UTP20: variants seen among roughly 807,000 people sequenced by gnomAD.
The protein encoded by UTP20 is UTP20 small subunit processome component.
In UTP20, 164 loss-of-function variants were observed where a neutral mutation model predicts 329.5. The ratio of observed to expected loss-of-function variants is 0.50; its 90% CI spans 0.44 to 0.57. The LOEUF (loss-of-function observed/expected upper bound fraction) is 0.57, where lower values mean the gene tolerates loss of function less well. Ranked by LOEUF, UTP20 falls within the 20% of genes least tolerant of loss-of-function variation. The pLI is 0.00. For synonymous variants in UTP20, 1,151 were observed against 1,159.3 expected, an observed-to-expected ratio of 0.99 and a Z score of 0.14; for missense variants, 3,055 against 3,284.2, an observed-to-expected ratio of 0.93 and a Z score of 1.71.
chr12:101,361,915 G>A (rs1463274655), intron 43 of UTP20, 47 bp from the exon 44 acceptor site: 1 of 1,428,100 alleles, frequency 7.0e-7, no homozygotes, highest in Non-Finnish European at 9.9e-7. Context: ...TGTTTTCCTA[G>A]TGTGACATTG....
intron 36 of UTP20, among the ~76,000 whole-genome samples, 184 bp downstream of exon 36, chr12:101,344,934 C>CT (rs11417670): frequency 0.076 from 4,692 of 61,568 alleles, 1,116 homozygotes; most frequent in Non-Finnish European, 0.11. Context: ...CTTTTTTTTG[C>CT]TTTTTTTTTT....
intron 46 of UTP20, 65 bp downstream of exon 46, chr12:101,365,690 G>A (rs1289615694): frequency 5.9e-6 from 8 of 1,353,178 alleles, no homozygotes; most frequent in Non-Finnish European, 6.8e-6. Flanking sequence ...TCTGTGGGTT[G>A]TTTTAATAAT....
rs1869175588 is a variant in UTP20 at position 101,342,572 on chromosome 12, C to T, written c.4228C>T (p.Leu1410Phe). The change falls in exon 33 of 62, where the codon CTT (leucine) becomes TTT (phenylalanine). Residue 1410 changes from leucine (L) to phenylalanine (F), a missense_variant. Leu to Phe is a conservative substitution (Grantham distance 22). This residue lies in a region of UTP20 where 2,445 missense variants were observed against 2,575.5 expected (regional missense o/e 0.95). Coordinates refer to ENST00000261637, the MANE Select transcript of UTP20 (RefSeq NM_014503.3). ...TAAGAACAAATTGTCAAGAAAATTG[C>T]TTTGTACGGTTTTTGAGGTCTGTAC... ...VIKNKLSRKL[L>F]CTVFETLSDF... 1 of 1,611,702 alleles carries T rather than the reference C, an allele frequency of 6.2e-7. No individual in the cohort carries two copies. The highest frequency in any genetic ancestry group is 1.7e-5 in the Admixed American group (1 of 59,482).
At chr12:101,297,722 T>C (rs1201820774) in intron 12 of UTP20, among the ~76,000 whole-genome samples, 1 of 152,196 alleles carries the variant, frequency 6.6e-6, no homozygotes, top group Non-Finnish European at 1.5e-5. Flanking sequence ...GCAGATTCCT[T>C]GCACATGCCA....
chr12:101,319,685 A>C (rs770810309), intron 23 of UTP20, 50 bp downstream of exon 23: 1 of 1,469,648 alleles, frequency 6.8e-7, no homozygotes, highest in East Asian at 2.3e-5. Flanking sequence ...ACTTTTCTCT[A>C]TCATTTTCTT....
intron 49 of UTP20, 40 bp downstream of exon 49, chr12:101,369,931 G>A (rs1231237127): frequency 6.3e-7 from 1 of 1,598,064 alleles, no homozygotes; most frequent in Non-Finnish European, 8.5e-7. Flanking sequence ...AGCCAGGATG[G>A]AGCTGGATGC....
intron 22 of UTP20, among the ~76,000 whole-genome samples, 192 bp from the exon 23 acceptor site, chr12:101,319,353 C>T (rs1028485509): frequency 2.0e-5 from 3 of 152,156 alleles, no homozygotes; most frequent in African/African-American, 7.2e-5. Context: ...ATTTTAGGGA[C>T]AGGCCTGCCC....
rs573711934 is a variant in UTP20 at position 101,332,048 on chromosome 12, T to C, written c.3418-1253T>C. ...TTTGTAGTAATTCCTCCTACTGAAA[T>C]ATCTTTGGGCTGGGTGTGGTGGCTC... On this transcript the variant is annotated intron_variant, in intron 27 of 61. Coordinates refer to ENST00000261637, the MANE Select transcript of UTP20 (RefSeq NM_014503.3). Among the ~76,000 whole-genome samples, 12 of 152,162 alleles carry C rather than the reference T, an allele frequency of 7.9e-5. No homozygotes were observed. In the South Asian group the frequency reaches 2.5e-3, roughly 32 times the overall value.
intron 32 of UTP20, among the ~76,000 whole-genome samples, chr12:101,340,970 T>TTTTTTTTTTA (rs1869109137): frequency 3.3e-5 from 1 of 30,554 alleles, no homozygotes; most frequent in Non-Finnish European, 5.2e-5. Flanking sequence ...TTTTTTTTTT[T>TTTTTTTTTTA]TTTTTTTTTT....
At position 101,309,847 on chromosome 12, in the gene UTP20, TG is replaced by T. The variant is rs765359742; in HGVS notation, c.2231+11del. 7 of 1,609,944 alleles carry T rather than the reference TG, an allele frequency of 4.3e-6. No homozygotes were observed. The highest frequency in any genetic ancestry group is 5.1e-6 in the Non-Finnish European group (6 of 1,176,904). On this transcript the variant is annotated intron_variant, in intron 19 of 61. Coordinates refer to ENST00000261637, the MANE Select transcript of UTP20 (RefSeq NM_014503.3). ...TGTTATTGAACTCATAAGGTAAACATGGGTTAAATGGGATGAAACTATTATA... is the reference window on the plus strand; with the variant it reads ...TGTTATTGAACTCATAAGGTAAACATGGTTAAATGGGATGAAACTATTATA...
chr12:101,361,613 C>G (rs1002068630), intron 43 of UTP20, among the ~76,000 whole-genome samples: 1 of 150,474 alleles, frequency 6.6e-6, no homozygotes, highest in African/African-American at 2.4e-5. Context: ...GCTACAAGAG[C>G]AACACTCTGT....
intron 38 of UTP20, among the ~76,000 whole-genome samples, 188 bp downstream of exon 38, chr12:101,346,776 G>A (rs530767219): frequency 1.3e-5 from 2 of 152,238 alleles, no homozygotes; most frequent in Admixed American, 1.3e-4. Flanking sequence ...GCTATTATTT[G>A]TGTTTTTGCT....
In UTP20 at chr12:101,379,396, T is replaced by C; in HGVS notation, c.7422T>C (p.His2474=). ...IWSHVHSHLR[H]PHNWVWLTAA... ...GTCATGTGCATTCTCACCTGAGACA[T>C]CCACACAACTGGGTGTGGCTCACAG... Residue 2474 remains histidine, a synonymous_variant, in exon 57 of 62, where the codon CAT becomes CAC. Coordinates refer to ENST00000261637, the MANE Select transcript of UTP20 (RefSeq NM_014503.3). 1 of 1,612,064 alleles carries C rather than the reference T, an allele frequency of 6.2e-7. No individual in the cohort carries two copies. Among genetic ancestry groups the C allele is most frequent in the Non-Finnish European group, 8.5e-7 (1 of 1,178,630 alleles).
At chr12:101,327,271 C>CT in intron 26 of UTP20, 24 bp downstream of exon 26, 1 of 1,553,288 alleles carries the variant, frequency 6.4e-7, no homozygotes, top group Non-Finnish European at 8.8e-7. Flanking sequence ...ACCTCTCACT[C>CT]TAATACCTGT....
In UTP20 at chr12:101,290,775, A is replaced by G. The variant is rs771327304; in HGVS notation, c.778A>G (p.Thr260Ala). The change falls in exon 8 of 62, where the codon ACA becomes GCA. Residue 260 changes from threonine (T) to alanine (A), a missense_variant. Thr to Ala is a moderately conservative substitution (Grantham distance 58, BLOSUM62 0). Around this residue, in one of 3 missense-constraint regions of UTP20, gnomAD observed 2,445 missense variants for 2,575.5 expected, o/e 0.95. Coordinates refer to ENST00000261637, the MANE Select transcript of UTP20 (RefSeq NM_014503.3). ...GCGAAAGCTAGGACCAGTCACTGAAACAGAAACTCAACTACCATGGATGTT... is the reference window on the plus strand; with the variant it reads ...GCGAAAGCTAGGACCAGTCACTGAAGCAGAAACTCAACTACCATGGATGTT... ...ILRKLGPVTE[T>A]ETQLPWMLIG... The G allele has an allele frequency of 1.7e-5, 27 of 1,613,586 alleles. No homozygotes were observed. In the East Asian group the frequency reaches 4.2e-4, roughly 25 times the overall value.
At chr12:101,381,351 G>A (rs2121062118) in intron 58 of UTP20, 140 bp downstream of exon 58, 1 of 679,752 alleles carries the variant, frequency 1.5e-6, no homozygotes, top group East Asian at 2.7e-5. Context: ...TGGCCAACAT[G>A]GCGAAACCCC....
chr12:101,308,968 C>T (rs375461866), intron 18 of UTP20, among the ~76,000 whole-genome samples: 4 of 151,986 alleles, frequency 2.6e-5, no homozygotes, highest in Non-Finnish European at 5.9e-5. Flanking sequence ...CTCCTGACCT[C>T]GTGATCCGCC....
At position 101,285,637 on chromosome 12, in the gene UTP20, G is replaced by A; in HGVS notation, c.193+1G>A. 1.2e-6 allele frequency: 2 copies of A among 1,613,682 alleles called. No individual in the cohort carries two copies. Among genetic ancestry groups the A allele is most frequent in the Non-Finnish European group, 1.7e-6 (2 of 1,179,806 alleles). ...GAATTAAACCTCACAGAACACTTCGGTATTTTCTATTTCGTTTCTATTTTA... is the reference window on the plus strand; with the variant it reads ...GAATTAAACCTCACAGAACACTTCGATATTTTCTATTTCGTTTCTATTTTA... On this transcript the variant is annotated splice_donor_variant, in intron 3 of 61. Transcript: ENST00000261637. LOFTEE classifies it high-confidence loss of function.
At chr12:101,299,906 T>A in intron 13 of UTP20, 67 bp from the exon 14 acceptor site, 1 of 1,608,460 alleles carries the variant, frequency 6.2e-7, no homozygotes, top group South Asian at 1.1e-5. Context: ...AGCCATTCCT[T>A]GCTGTTCTCT....
Sources: gnomAD v4.1 joint callset for allele counts (sites outside exome capture counted in the v4.1 genomes callset) on GRCh38, gnomAD v4.1.1 for gene constraint, gnomAD v4.1.1 regional missense constraint, MANE v1.5 for transcripts, NCBI Gene and HGNC (gene_info 2026-07-23, HGNC 2026-07-21) for gene names.